The following PTPRD variants were observed in gnomAD, a reference collection of about 807,000 sequenced individuals.
PTPRD encodes receptor-type tyrosine-protein phosphatase delta.
In PTPRD, 34 loss-of-function variants were observed where a neutral mutation model predicts 214.5. That is an observed-to-expected ratio of 0.16 (90% CI 0.12 to 0.21). The LOEUF is 0.21. Among genes scored for constraint, PTPRD ranks in the 10% least tolerant of loss-of-function variants. The pLI, the probability that PTPRD is intolerant of heterozygous loss-of-function variation, is 1.00. For missense variants in PTPRD, 2,545 were observed against 2,398.7 expected (o/e 1.06, Z -1.27); for synonymous variants, 1,128 against 845.7 (o/e 1.33, Z -5.79).
At chr9:9,217,167 TC>T (rs1212524388) in intron 9 of PTPRD, among the ~76,000 whole-genome samples, 3 of 152,204 alleles carry the variant, frequency 2.0e-5, no homozygotes, top group East Asian at 1.9e-4. Flanking sequence ...GGCCACTTGT[TC>T]CCTTTGCAAC....
At chr9:9,230,217 G>C (rs894194951) in intron 9 of PTPRD, among the ~76,000 whole-genome samples, 1 of 152,028 alleles carries the variant, frequency 6.6e-6, no homozygotes, top group African/African-American at 2.4e-5. Flanking sequence ...AGAATGGGGC[G>C]GTTCGACAGA....
chr9:8,878,753 C>T (rs2098417030), intron 11 of PTPRD, among the ~76,000 whole-genome samples: 2 of 152,094 alleles, frequency 1.3e-5, no homozygotes, highest in African/African-American at 4.8e-5. Flanking sequence ...GTCTTGAATG[C>T]CTGGACTCAA....
chr9:8,598,348 T>G (rs4740954), intron 14 of PTPRD, among the ~76,000 whole-genome samples: 31,338 of 151,654 alleles, frequency 0.21, 4,097 homozygotes, highest in African/African-American at 0.35. Flanking sequence ...GGTATCCCAG[T>G]TACTCGGGAG....
At chr9:9,009,971 G>C (rs2099501505) in intron 11 of PTPRD, among the ~76,000 whole-genome samples, 1 of 152,042 alleles carries the variant, frequency 6.6e-6, no homozygotes, top group Non-Finnish European at 1.5e-5. Flanking sequence ...AGTTCTCTTA[G>C]GCCTTCCCTT....
chr9:9,802,936 C>T (rs1693262766), intron 5 of PTPRD, among the ~76,000 whole-genome samples: 1 of 151,738 alleles, frequency 6.6e-6, no homozygotes, highest in African/African-American at 2.4e-5. Context: ...AAATACTATA[C>T]TAATTATATT....
chr9:8,614,520 A>C (rs1019999547), intron 14 of PTPRD, among the ~76,000 whole-genome samples: 3 of 152,228 alleles, frequency 2.0e-5, no homozygotes, highest in Non-Finnish European at 4.4e-5. Flanking sequence ...GAAATAGAGA[A>C]GATAATCACT....
chr9:8,837,583 A>G (rs2097459767), intron 11 of PTPRD, among the ~76,000 whole-genome samples: 1 of 152,160 alleles, frequency 6.6e-6, no homozygotes, highest in South Asian at 2.1e-4. Context: ...GTGAGCCTCA[A>G]CTGCCCAAGC....
At chr9:9,954,558 A>G (rs1007115229) in intron 4 of PTPRD, among the ~76,000 whole-genome samples, 2 of 137,454 alleles carry the variant, frequency 1.5e-5, no homozygotes, top group Non-Finnish European at 3.3e-5. Context: ...ATATAAAATA[A>G]TGCAGAAATA....
chr9:10,400,235 C>A (rs2098247407), intron 2 of PTPRD, among the ~76,000 whole-genome samples: 1 of 151,546 alleles, frequency 6.6e-6, no homozygotes, highest in Non-Finnish European at 1.5e-5. Context: ...CACTCACAGA[C>A]CTGTTGTAAG....
At chr9:8,836,626 C>G (rs2154531376) in intron 11 of PTPRD, among the ~76,000 whole-genome samples, 1 of 112,510 alleles carries the variant, frequency 8.9e-6, no homozygotes, top group East Asian at 3.1e-4. Flanking sequence ...AAGACGGAGT[C>G]TCGCTCTGTT....
intron 10 of PTPRD, among the ~76,000 whole-genome samples, chr9:9,021,601 A>G (rs1347335977): frequency 6.6e-6 from 1 of 152,138 alleles, no homozygotes; most frequent in Non-Finnish European, 1.5e-5. Flanking sequence ...AAAATAAGGC[A>G]TTGCTGTCGT....
chr9:9,955,345 G>A (rs958415986), intron 4 of PTPRD, among the ~76,000 whole-genome samples: 5 of 152,034 alleles, frequency 3.3e-5, no homozygotes, highest in Non-Finnish European at 7.4e-5. Flanking sequence ...ACGTATTTAA[G>A]CTATATTCTT....
At chr9:9,237,716 C>A (rs1289450511) in intron 9 of PTPRD, among the ~76,000 whole-genome samples, 1 of 152,050 alleles carries the variant, frequency 6.6e-6, no homozygotes, top group African/African-American at 2.4e-5. Context: ...GTAGGCCTCT[C>A]TCTTCTGTCT....
At chr9:9,941,835 G>C (rs1603199670) in intron 4 of PTPRD, among the ~76,000 whole-genome samples, 1 of 152,050 alleles carries the variant, frequency 6.6e-6, no homozygotes, top group South Asian at 2.1e-4. Context: ...TTCATTCCAA[G>C]GTTGCCAAAA....
intron 7 of PTPRD, among the ~76,000 whole-genome samples, chr9:9,617,208 G>T (rs1166169051): frequency 6.6e-6 from 1 of 152,114 alleles, no homozygotes; most frequent in Non-Finnish European, 1.5e-5. Flanking sequence ...TATCTACAGA[G>T]AAAGAGGAAC....
chr9:10,450,526 T>C (rs993630603), intron 2 of PTPRD, among the ~76,000 whole-genome samples: 6 of 152,064 alleles, frequency 3.9e-5, no homozygotes, highest in Non-Finnish European at 1.5e-5. Flanking sequence ...TAGTCCCTAA[T>C]CTGTAGTTTA....
intron 10 of PTPRD, among the ~76,000 whole-genome samples, chr9:9,130,300 A>ACTTTT (rs1244631351): frequency 5.3e-5 from 8 of 152,192 alleles, no homozygotes; most frequent in African/African-American, 1.9e-4. Flanking sequence ...TTGGGCATTT[A>ACTTTT]CTTTTCATCT....
intron 35 of PTPRD, among the ~76,000 whole-genome samples, chr9:8,421,968 C>T (rs966219703): frequency 2.7e-5 from 4 of 150,942 alleles, no homozygotes; most frequent in Admixed American, 1.3e-4. Flanking sequence ...TGCAACATGG[C>T]GAAACCTCAT....
At position 9,206,501 on chromosome 9, in the gene PTPRD, G is replaced by A. The variant is rs542308473; in HGVS notation, c.-202-23138C>T. Among the ~76,000 whole-genome samples, 10 of 152,280 alleles carry A rather than the reference G, an allele frequency of 6.6e-5. No individual in the cohort carries two copies. In the East Asian group the frequency reaches 1.7e-3, roughly 26 times the overall value. The stretch of plus-strand genomic sequence containing the variant: ...GATGCAAAGTATTGTTCTTGAGTGT[G>A]TCTGTGAGGTTGTTGCCAAAAGAGA... On this transcript the variant is annotated intron_variant, in intron 9 of 45. Transcript: ENST00000381196.
Sources: gnomAD v4.1 joint callset for allele counts (sites outside exome capture counted in the v4.1 genomes callset) on GRCh38, gnomAD v4.1.1 for gene constraint, MANE v1.5 for transcripts, NCBI Gene and HGNC (gene_info 2026-07-23, HGNC 2026-07-21) for gene names.